RANBP2: variants seen among roughly 807,000 people sequenced by gnomAD.
The protein encoded by RANBP2 is E3 SUMO-protein ligase RanBP2.
In RANBP2, 57 loss-of-function variants were observed where a neutral mutation model predicts 303.6. The ratio of observed to expected loss-of-function variants is 0.19; its 90% CI spans 0.15 to 0.23. The LOEUF is 0.23. RANBP2 is among the 10% of genes least tolerant of loss of function. The pLI, the probability that RANBP2 is intolerant of heterozygous loss-of-function variation, is 1.00. For synonymous variants in RANBP2, 1,167 were observed against 1,301.5 expected, an observed-to-expected ratio of 0.90 and a Z score of 2.23; for missense variants, 3,138 against 3,780.8, an observed-to-expected ratio of 0.83 and a Z score of 4.46.
At chr2:108,812,225 T>C in the RANBP2 span, among the ~76,000 whole-genome samples, 1 of 152,134 alleles carries the variant, frequency 6.6e-6, no homozygotes, top group Non-Finnish European at 1.5e-5. Flanking sequence ...TATATACATA[T>C]CAGTATATAC....
the RANBP2 span, among the ~76,000 whole-genome samples, chr2:109,402,000 AAAGGGC>A: frequency 6.6e-6 from 1 of 152,212 alleles, no homozygotes; most frequent in Non-Finnish European, 1.5e-5. Flanking sequence ...GGGTCACCTC[AAAGGGC>A]AAGAGGTCAA....
At chr2:109,465,610 G>C in the RANBP2 span, among the ~76,000 whole-genome samples, 1 of 152,288 alleles carries the variant, frequency 6.6e-6, no homozygotes, top group South Asian at 2.1e-4. Flanking sequence ...CTGCTATAAA[G>C]AAATACCTGA....
the RANBP2 span, among the ~76,000 whole-genome samples, chr2:108,821,182 AC>A: frequency 2.0e-5 from 3 of 151,972 alleles, no homozygotes; most frequent in Non-Finnish European, 4.4e-5. Flanking sequence ...ACATGGTGAA[AC>A]CCCATCTCTA....
chr2:109,252,574 A>T, the RANBP2 span, among the ~76,000 whole-genome samples: 1 of 152,230 alleles, frequency 6.6e-6, no homozygotes, highest in South Asian at 2.1e-4. Flanking sequence ...AACTAGAATG[A>T]CAGAATGAGT....
chr2:109,533,056 A>G, the RANBP2 span, among the ~76,000 whole-genome samples: 1 of 151,470 alleles, frequency 6.6e-6, no homozygotes, highest in African/African-American at 2.4e-5. Context: ...AGACACAAAT[A>G]GACACGTCAG....
chr2:109,103,447 T>C, the RANBP2 span, among the ~76,000 whole-genome samples: 1 of 152,178 alleles, frequency 6.6e-6, no homozygotes, highest in South Asian at 2.1e-4. Context: ...GTGTGAGGTA[T>C]ACATTCGGTC....
the RANBP2 span, among the ~76,000 whole-genome samples, chr2:109,628,920 T>G: frequency 6.6e-6 from 1 of 152,002 alleles, no homozygotes; most frequent in Non-Finnish European, 1.5e-5. Context: ...AATGTCTAAC[T>G]AGGCTGGGTG....
the RANBP2 span, among the ~76,000 whole-genome samples, chr2:109,380,387 T>C: frequency 6.6e-6 from 1 of 152,132 alleles, no homozygotes; most frequent in Non-Finnish European, 1.5e-5. Flanking sequence ...TGGCACAGGG[T>C]GGGGCCCAGG....
chr2:109,613,099 G>T, the RANBP2 span: 4 of 1,016,776 alleles, frequency 3.9e-6, no homozygotes, highest in Non-Finnish European at 5.4e-6. Flanking sequence ...ACGGCGGTGA[G>T]ATCACTCCAT....
At chr2:109,099,908 G>A in the RANBP2 span, among the ~76,000 whole-genome samples, 5 of 151,960 alleles carry the variant, frequency 3.3e-5, no homozygotes, top group East Asian at 3.9e-4. Flanking sequence ...TGTTCATGGC[G>A]GGTCATCTAT....
At chr2:108,883,772 C>A in the RANBP2 span, 1 of 152,232 alleles carries the variant, frequency 6.6e-6, no homozygotes, top group Non-Finnish European at 1.5e-5. Context: ...CTTTGTGACT[C>A]AAGGGTCTGC....
chr2:108,807,828 G>A, the RANBP2 span, among the ~76,000 whole-genome samples: 1 of 152,154 alleles, frequency 6.6e-6, no homozygotes, highest in Admixed American at 6.5e-5. Context: ...ATGTTGGCCA[G>A]GGTGGTCTCA....
chr2:108,878,339 G>T, the RANBP2 span: 1 of 198,768 alleles, frequency 5.0e-6, no homozygotes, highest in South Asian at 9.9e-5. Context: ...AGGGTCAAGT[G>T]ATTTCAGGCC....
At chr2:109,624,571 G>A in the RANBP2 span, among the ~76,000 whole-genome samples, 1 of 152,150 alleles carries the variant, frequency 6.6e-6, no homozygotes, top group Admixed American at 6.5e-5. Flanking sequence ...ATCTGAGATT[G>A]TGGTCTGATC....
the RANBP2 span, chr2:109,502,181 T>G: frequency 1.3e-3 from 200 of 152,890 alleles, no homozygotes; most frequent in Non-Finnish European, 2.6e-3. Flanking sequence ...GCAGGGGTGT[T>G]TGTGAGGCCC....
the RANBP2 span, among the ~76,000 whole-genome samples, chr2:109,633,507 GC>G: frequency 6.6e-6 from 1 of 152,142 alleles, no homozygotes; most frequent in Non-Finnish European, 1.5e-5. Flanking sequence ...ATGCTGAGGC[GC>G]CCAGGGAAGC....
the RANBP2 span, among the ~76,000 whole-genome samples, chr2:109,158,207 C>T: frequency 7.2e-5 from 11 of 152,298 alleles, no homozygotes; most frequent in East Asian, 1.4e-3. Flanking sequence ...AATGATTGCT[C>T]TGGGGAGGAC....
At chr2:109,245,304 C>T in the RANBP2 span, among the ~76,000 whole-genome samples, 1 of 151,756 alleles carries the variant, frequency 6.6e-6, no homozygotes, top group African/African-American at 2.4e-5. Flanking sequence ...AAGGTGAGGC[C>T]CATGCCTGTG....
the RANBP2 span, among the ~76,000 whole-genome samples, chr2:109,123,686 A>G: frequency 6.6e-6 from 1 of 152,172 alleles, no homozygotes; most frequent in Admixed American, 6.5e-5. Flanking sequence ...CACTTGTGAA[A>G]TGGAGGTACC....
Sources: gnomAD v4.1 joint callset for allele counts (sites outside exome capture counted in the v4.1 genomes callset) on GRCh38, gnomAD v4.1.1 for gene constraint, MANE v1.5 for transcripts, NCBI Gene and HGNC (gene_info 2026-07-23, HGNC 2026-07-21) for gene names.